The following KMT2B variants were observed in gnomAD, a reference collection of about 807,000 sequenced individuals.
KMT2B encodes lysine methyltransferase 2B.
In KMT2B, 22 loss-of-function variants were observed where a neutral mutation model predicts 255.3. The ratio of observed to expected loss-of-function variants is 0.09; its 90% CI spans 0.06 to 0.12. The LOEUF is 0.12. Among genes scored for constraint, KMT2B ranks in the 10% least tolerant of loss-of-function variants. The pLI, the probability that KMT2B is intolerant of heterozygous loss-of-function variation, is 1.00. For synonymous variants in KMT2B, 1,730 were observed against 1,498.1 expected (o/e 1.15, Z -3.57); for missense variants, 3,149 against 3,737.0 (o/e 0.84, Z 4.10).
chr19:35,732,501 A>G lies in KMT2B; in HGVS notation c.5952A>G (p.Ser1984=). 6.2e-7 allele frequency: 1 copy of G among 1,613,894 alleles called. No homozygotes were observed. Among genetic ancestry groups the G allele is most frequent in the Non-Finnish European group, 8.5e-7 (1 of 1,179,868 alleles). Residue 1984 remains serine (S), a synonymous_variant, in exon 28 of 37, where the codon TCA becomes TCG. Coordinates refer to ENST00000420124, the MANE Select transcript of KMT2B (RefSeq NM_014727.3). ...GPDFEDMEVV[S]GLSAADLDFA... is the part of the protein sequence containing the mutation. ...ACTTCGAGGACATGGAGGTGGTGTCAGGACTGAGTGCTGCTGACCTGGACT... is the reference window on the plus strand; with the variant it reads ...ACTTCGAGGACATGGAGGTGGTGTCGGGACTGAGTGCTGCTGACCTGGACT...
chr19:35,720,473 A>G lies in KMT2B; in HGVS notation c.1126A>G (p.Lys376Glu), dbSNP rs1342856269. 6.9e-6 allele frequency: 10 copies of G among 1,446,912 alleles called. No individual in the cohort carries two copies. The highest frequency in any genetic ancestry group is 2.4e-5 in the East Asian group (1 of 40,926). 89.6% of individuals were successfully genotyped at this position (1,446,912 alleles called of 1,614,324 possible). A position where few individuals can be genotyped will look rare whatever the true frequency, so the allele number is the denominator to read the frequency against. The stretch of plus-strand genomic sequence containing the variant: ...GAAGAAAGAAGAAGAAGAAAAAGAC[A>G]AGGAGGGAGAAGAGAAGGAAGAAAG... ...EEKKEEEEKDKEGEEKEERAV... is the reference protein window; with the variant it reads ...EEKKEEEEKDEEGEEKEERAV... Residue 376 changes from lysine (K) to glutamate (E), a missense_variant, in exon 3 of 37, where the codon AAG (lysine) becomes GAG (glutamate). Around this residue, in one of 18 missense-constraint regions of KMT2B, gnomAD observed 1,188 missense variants for 1,106.4 expected, o/e 1.07. Transcript: ENST00000420124.
chr19:35,720,430 G>T lies in KMT2B; in HGVS notation c.1083G>T (p.Leu361=). 1 of 1,557,108 alleles carries T rather than the reference G, an allele frequency of 6.4e-7. No homozygotes were observed. Among genetic ancestry groups the T allele is most frequent in the East Asian group, 2.4e-5 (1 of 41,460 alleles). Residue 361 remains leucine (L), a synonymous_variant, in exon 3 of 37, where the codon CTG becomes CTT. Transcript: ENST00000420124. ...SPCWKKQEQK[L]DDEEEEKKEE... is the part of the protein sequence containing the mutation. ...GCTGGAAAAAGCAGGAACAGAAGCT[G>T]GATGACGAGGAAGAAGAGAAGAAAG...
At chr19:35,734,462 G>A (rs927593894) in intron 30 of KMT2B, among the ~76,000 whole-genome samples, 12 of 152,204 alleles carry the variant, frequency 7.9e-5, no homozygotes, top group African/African-American at 2.2e-4. Flanking sequence ...GCTAAGGATC[G>A]GGAGCGGGAG....
At position 35,718,186 on chromosome 19, in the gene KMT2B, G is replaced by A; in HGVS notation, c.168G>A (p.Pro56=). The A allele has an allele frequency of 8.9e-7, 1 of 1,122,370 alleles. No individual in the cohort carries two copies. The highest frequency in any genetic ancestry group is 1.1e-6 in the Non-Finnish European group (1 of 918,078). 69.5% of individuals were successfully genotyped at this position (1,122,370 alleles called of 1,614,324 possible). ...ALRRGGGATG[P]GGAEPGEDTA... ...GGCGCGGCGGTGGCGCGACGGGGCC[G>A]GGCGGAGCCGAGCCCGGGGAGGACA... is the stretch of plus-strand genomic sequence containing the variant. Residue 56 remains proline (P), a synonymous_variant, in exon 1 of 37, where the codon CCG becomes CCA. Transcript: ENST00000420124. The surrounding 1 kb of genome is among the most constrained non-coding windows in gnomAD (Gnocchi z 5.0).
In KMT2B at chr19:35,730,687, C is replaced by A. The variant is rs765444226; in HGVS notation, c.5277-20C>A. The A allele has an allele frequency of 1.2e-6, 2 of 1,613,892 alleles. No homozygotes were observed. The highest frequency in any genetic ancestry group is 2.2e-5 in the South Asian group (2 of 91,084). On this transcript the variant is annotated intron_variant, in intron 25 of 36. Transcript: ENST00000420124. ...GATCCCATTTCCCAAGCATCCTAAC[C>A]GTCTTATCCCACATGCCAGGTGCTC...
Position 35,720,334 on chromosome 19 carries a change from A to T in KMT2B, c.987A>T (p.Gln329His), listed in dbSNP as rs778017417. ...LSLGLESGQG[Q>H]GQHEESWQDV... is the part of the protein sequence containing the mutation. ...TGGGACTCGAATCAGGTCAAGGTCA[A>T]GGTCAACATGAGGAAAGTTGGCAGG... Residue 329 changes from glutamine to histidine, a missense_variant, in exon 3 of 37, where the codon CAA becomes CAT. By Grantham distance (24) the Gln-to-His change is conservative. Around this residue, in one of 18 missense-constraint regions of KMT2B, gnomAD observed 1,188 missense variants for 1,106.4 expected, o/e 1.07. Transcript: ENST00000420124. 8 of 1,612,022 alleles carry T rather than the reference A, an allele frequency of 5.0e-6. No individual in the cohort carries two copies. Among genetic ancestry groups the T allele is most frequent in the Non-Finnish European group, 5.9e-6 (7 of 1,179,144 alleles).
chr19:35,722,791 C>T, intron 5 of KMT2B, 73 bp downstream of exon 5: 1 of 1,515,814 alleles, frequency 6.6e-7, no homozygotes, highest in Non-Finnish European at 8.8e-7. Flanking sequence ...CACCAAGAGC[C>T]TAGGAGAGAG....
At chr19:35,730,495 C>T (rs1016198318) in intron 24 of KMT2B, 33 bp downstream of exon 24, 4 of 1,613,952 alleles carry the variant, frequency 2.5e-6, no homozygotes, top group African/African-American at 1.3e-5. Context: ...TGTCCTCCTA[C>T]CCTGTCCTGC....
chr19:35,730,331 C>T lies in KMT2B; in HGVS notation c.5077-11C>T, dbSNP rs114427608. ...AATGCAGCCACCTCACTTTGCCACC[C>T]CCTCTTCCAGGAAATTGTGAACCCC... is the stretch of plus-strand genomic sequence containing the variant. On this transcript the variant is annotated splice_polypyrimidine_tract_variant and intron_variant, in intron 23 of 36. Transcript: ENST00000420124. The T allele has an allele frequency of 7.3e-4, 1,170 of 1,609,708 alleles. 4 individuals carry two copies. The African/African-American group carries it at 0.015, about 20-fold the overall frequency.
chr19:35,720,175 T>A lies in KMT2B; in HGVS notation c.828T>A (p.Pro276=). The A allele has an allele frequency of 6.2e-7, 1 of 1,605,162 alleles. No homozygotes were observed. Among genetic ancestry groups the A allele is most frequent in the Non-Finnish European group, 8.5e-7 (1 of 1,176,238 alleles). The change falls in exon 3 of 37, where the codon CCT becomes CCA. Residue 276 remains proline (P), a synonymous_variant. Transcript: ENST00000420124. ...GCAAGGAGGGGCCCGGTCCAGGACC[T>A]GGGACCCCCAGGCGTGGAGGACAGT... ...WKCKEGPGPG[P]GTPRRGGQSS... is the part of the protein sequence containing the mutation.
chr19:35,732,859 C>A lies in KMT2B; in HGVS notation c.6310C>A (p.Arg2104=). ...GVLGAAGDRA[R]PPEDLPSEIV... is the part of the protein sequence containing the mutation. The stretch of plus-strand genomic sequence containing the variant: ...CCTTGGGGCTGCAGGGGACAGGGCC[C>A]GGCCTCCTGAGGACCTGCCATCGGA... Residue 2104 remains arginine, a synonymous_variant, in exon 28 of 37, where the codon CGG becomes AGG. Transcript: ENST00000420124. The A allele has an allele frequency of 6.2e-7, 1 of 1,609,508 alleles. No homozygotes were observed. The highest frequency in any genetic ancestry group is 2.2e-5 in the East Asian group (1 of 44,742).
intron 18 of KMT2B, 50 bp downstream of exon 18, chr19:35,728,035 C>T (rs908516342): frequency 1.3e-6 from 2 of 1,550,918 alleles, no homozygotes; most frequent in Non-Finnish European, 1.7e-6. Context: ...GACCTTCAGA[C>T]CCTGCCCCTG....
chr19:35,737,294 A>G lies in KMT2B; in HGVS notation c.7550+31A>G. On this transcript the variant is annotated intron_variant, in intron 33 of 36. Coordinates refer to ENST00000420124, the MANE Select transcript of KMT2B (RefSeq NM_014727.3). This position sits in a 1 kb window ranked among gnomAD's most constrained non-coding sequence, Gnocchi z 5.3. ...AGGTCTGGGGTGTGATGCCTGGGTC[A>G]GGGCGCCCCTATGAGAGCTCTTGAG... 1 of 1,468,366 alleles carries G rather than the reference A, an allele frequency of 6.8e-7. No individual in the cohort carries two copies. Among genetic ancestry groups the G allele is most frequent in the Non-Finnish European group, 9.0e-7 (1 of 1,110,682 alleles). 91.0% of individuals were successfully genotyped at this position (1,468,366 alleles called of 1,614,324 possible).
In KMT2B at chr19:35,732,066, A is replaced by G; in HGVS notation, c.5596A>G (p.Lys1866Glu). ...APRSFSGARI[K>E]VPNYSPSRRP... ...CCGTTCTTTTTCGGGGGCTCGAATC[A>G]AAGTGCCCAACTACTCGCCATCCCG... Residue 1866 changes from lysine (K) to glutamate (E), a missense_variant, in exon 27 of 37, where the codon AAA becomes GAA. Transcript: ENST00000420124. 1 of 1,610,926 alleles carries G rather than the reference A, an allele frequency of 6.2e-7. No individual in the cohort carries two copies. Among genetic ancestry groups the G allele is most frequent in the Admixed American group, 1.7e-5 (1 of 59,722 alleles).
At chr19:35,726,111 T>C (rs979786466) in intron 13 of KMT2B, 125 bp from the exon 14 acceptor site, 3 of 732,004 alleles carry the variant, frequency 4.1e-6, no homozygotes, top group Non-Finnish European at 7.3e-6. Flanking sequence ...CCTGCGTGTT[T>C]TCTCCTCTTA....
chr19:35,718,202 G>T lies in KMT2B; in HGVS notation c.184G>T (p.Gly62Trp). ...GACGGGGCCGGGCGGAGCCGAGCCCGGGGAGGACACGGCCCTGCTCCGTTT... is the reference window on the plus strand; with the variant it reads ...GACGGGGCCGGGCGGAGCCGAGCCCTGGGAGGACACGGCCCTGCTCCGTTT... ...GATGPGGAEPGEDTALLRLLG... is the reference protein window; with the variant it reads ...GATGPGGAEPWEDTALLRLLG... The change falls in exon 1 of 37, where the codon GGG becomes TGG. Residue 62 changes from glycine (G) to tryptophan (W), a missense_variant. Gly to Trp is a radical substitution (Grantham distance 184, BLOSUM62 -2). Transcript: ENST00000420124. The surrounding 1 kb of genome is among the most constrained non-coding windows in gnomAD (Gnocchi z 5.0). The T allele has an allele frequency of 8.7e-7, 1 of 1,149,716 alleles. No individual in the cohort carries two copies. Among genetic ancestry groups the T allele is most frequent in the East Asian group, 4.3e-5 (1 of 23,332 alleles). The allele number at this position is 1,149,716 out of a possible 1,614,324, so 71.2% of individuals were successfully genotyped here. A position where few individuals can be genotyped will look rare whatever the true frequency, so the allele number is the denominator to read the frequency against.
chr19:35,728,873 A>T lies in KMT2B; in HGVS notation c.4671A>T (p.Pro1557=), dbSNP rs377576838. Residue 1557 remains proline (P), a synonymous_variant, in exon 20 of 37, where the codon CCA becomes CCT. Transcript: ENST00000420124. ...AGACCCCAGAATCAGGGCAGCCTCC[A>T]GGGGATCCCTCAGCAGGTACTGGGA... is the stretch of plus-strand genomic sequence containing the variant. ...EPETPESGQP[P]GDPSAAFQGK... The T allele has an allele frequency of 6.2e-7, 1 of 1,613,776 alleles. No homozygotes were observed. The highest frequency in any genetic ancestry group is 8.5e-7 in the Non-Finnish European group (1 of 1,179,822).
chr19:35,720,726 T>G lies in KMT2B; in HGVS notation c.1379T>G (p.Val460Gly). ...GAGCAGGAGGAATCCCCTCCTCCTG[T>G]GGTCCCAGCTACGTGCTCCAGGAAG... The part of the protein sequence containing the change: ...QEEQEESPPP[V>G]VPATCSRKRG... Residue 460 changes from valine to glycine, a missense_variant, in exon 3 of 37, where the codon GTG becomes GGG. By Grantham distance (109) the Val-to-Gly change is moderately radical (BLOSUM62 -3). This residue lies in a region of KMT2B where 1,188 missense variants were observed against 1,106.4 expected (regional missense o/e 1.07). Transcript: ENST00000420124. 1.4e-6 allele frequency: 2 copies of G among 1,473,142 alleles called. No homozygotes were observed. Among genetic ancestry groups the G allele is most frequent in the Non-Finnish European group, 1.8e-6 (2 of 1,112,522 alleles). 91.3% of individuals were successfully genotyped at this position (1,473,142 alleles called of 1,614,324 possible).
rs753984403 is a variant in KMT2B at position 35,737,907 on chromosome 19, T to C, written c.7707T>C (p.Leu2569=). The change falls in exon 35 of 37, where the codon CTT becomes CTC. Residue 2569 remains leucine (L), a synonymous_variant. Coordinates refer to ENST00000420124, the MANE Select transcript of KMT2B (RefSeq NM_014727.3). This position sits in a 1 kb window ranked among gnomAD's most constrained non-coding sequence, Gnocchi z 5.3. ...CCATGGCCATGCGTTTTCGTCACCT[T>C]AAGAAGACGTCCAAAGAAGCTGTGG... ...ELPMAMRFRH[L]KKTSKEAVGV... is the part of the protein sequence containing the mutation. 2.5e-6 allele frequency: 4 copies of C among 1,591,212 alleles called. No individual in the cohort carries two copies. Among genetic ancestry groups the C allele is most frequent in the Middle Eastern group, 1.7e-4 (1 of 6,060 alleles).
Sources: gnomAD v4.1 joint callset for allele counts (sites outside exome capture counted in the v4.1 genomes callset) on GRCh38, gnomAD v4.1.1 for gene constraint, gnomAD v4.1.1 regional missense constraint, Gnocchi (gnomAD v3.1) non-coding constraint, MANE v1.5 for transcripts, NCBI Gene and HGNC (gene_info 2026-07-23, HGNC 2026-07-21) for gene names.